The following RGS6 variants were observed in gnomAD, a reference collection of about 807,000 sequenced individuals.
RGS6 encodes regulator of G protein signaling 6.
RGS6 carries 30 observed loss-of-function variants against 78.5 expected under a neutral mutation model. The ratio of observed to expected loss-of-function variants is 0.38; its 90% confidence interval spans 0.29 to 0.52. The LOEUF (loss-of-function observed/expected upper bound fraction) is 0.52, where lower values mean the gene tolerates loss of function less well. Ranked by LOEUF, RGS6 falls within the 20% of genes least tolerant of loss-of-function variation. RGS6 has a pLI of 0.85. For synonymous variants in RGS6, 206 were observed against 206.0 expected, an observed-to-expected ratio of 1.00 and a Z score of 0.00; for missense variants, 495 against 609.7, an observed-to-expected ratio of 0.81 and a Z score of 1.98.
chr14:72,066,087 A>G (rs946959065), intron 2 of RGS6, among the ~76,000 whole-genome samples: 4 of 152,216 alleles, frequency 2.6e-5, no homozygotes, highest in African/African-American at 7.2e-5. Flanking sequence ...TTGGGAAGAT[A>G]TCTTCTTTCT....
intron 3 of RGS6, among the ~76,000 whole-genome samples, chr14:72,451,502 G>A (rs181325119): frequency 1.3e-5 from 2 of 152,042 alleles, no homozygotes; most frequent in Non-Finnish European, 2.9e-5. Context: ...GGGGTGGTTG[G>A]GGGGAGCGGA....
At chr14:72,536,923 G>A (rs763613277) in intron 16 of RGS6, among the ~76,000 whole-genome samples, 5 of 152,118 alleles carry the variant, frequency 3.3e-5, no homozygotes, top group Non-Finnish European at 7.4e-5. Flanking sequence ...GCAGCCCATG[G>A]AGTCATGGAT....
At chr14:72,540,965 G>A in intron 17 of RGS6, 1 of 1,244,926 alleles carries the variant, frequency 8.0e-7, no homozygotes, top group Non-Finnish European at 1.0e-6. Context: ...ACCATGGTTT[G>A]TAGAACAACA....
chr14:72,582,229 A>G, the RGS6 span, among the ~76,000 whole-genome samples: 1 of 152,148 alleles, frequency 6.6e-6, no homozygotes, highest in African/African-American at 2.4e-5. Context: ...CATGAGCTTC[A>G]GTGGAAACAA....
intron 3 of RGS6, among the ~76,000 whole-genome samples, chr14:72,416,499 G>C (rs945060564): frequency 6.6e-6 from 1 of 152,036 alleles, no homozygotes; most frequent in Non-Finnish European, 1.5e-5. Context: ...AGTTAATTAG[G>C]TTAACCTAAA....
chr14:72,029,351 A>G (rs568043087), intron 2 of RGS6, among the ~76,000 whole-genome samples: 1 of 152,234 alleles, frequency 6.6e-6, no homozygotes, highest in African/African-American at 2.4e-5. Context: ...AACTGCAGCC[A>G]TCACTGTATT....
chr14:72,085,002 C>A lies in RGS6; in HGVS notation c.84+120127C>A, dbSNP rs147621686. On this transcript the variant is annotated intron_variant, in intron 2 of 17. Coordinates refer to ENST00000553525, the MANE Select transcript of RGS6 (RefSeq NM_001204424.2). ...ATTTATTTGCAGGGGAAATCTGCTA[C>A]GTAAGAAGACAACCACTTTGGGCAA... is the stretch of plus-strand genomic sequence containing the variant. Among the ~76,000 whole-genome samples, 27 of 152,280 alleles carry A rather than the reference C, an allele frequency of 1.8e-4. No individual in the cohort carries two copies. The East Asian group carries it at 4.0e-3, about 23-fold the overall frequency.
intron 2 of RGS6, among the ~76,000 whole-genome samples, chr14:72,281,207 G>A (rs1433028845): frequency 6.9e-6 from 1 of 144,042 alleles, no homozygotes; most frequent in Non-Finnish European, 1.5e-5. Context: ...GGGGTGCAAT[G>A]GTGCAATCTC....
In RGS6 at chr14:71,966,633, T is replaced by C. The variant is rs79550582; in HGVS notation, c.84+1758T>C. ...ACTTCCATGAGCCACAATTTTTTCA[T>C]CTGTAAAAAGAAAAAAAAATGTGGG... On this transcript the variant is annotated intron_variant, in intron 2 of 17. Coordinates refer to ENST00000553525, the MANE Select transcript of RGS6 (RefSeq NM_001204424.2). Among the ~76,000 whole-genome samples, 452 of 152,188 alleles carry C rather than the reference T, an allele frequency of 3.0e-3. 7 individuals are homozygous for C. Among genetic ancestry groups the C allele is most frequent in the African/African-American group, 0.011 (442 of 41,498 alleles).
At chr14:72,283,214 TGAA>T (rs2061892126) in intron 2 of RGS6, among the ~76,000 whole-genome samples, 1 of 152,256 alleles carries the variant, frequency 6.6e-6, no homozygotes, top group African/African-American at 2.4e-5. Context: ...TTGACTATTG[TGAA>T]GAATGCTGCA....
chr14:72,599,085 C>G, the RGS6 span, among the ~76,000 whole-genome samples: 1 of 152,232 alleles, frequency 6.6e-6, no homozygotes, highest in African/African-American at 2.4e-5. Context: ...CCTAAGCAAG[C>G]CTCCACCTCA....
At chr14:72,574,710 G>A in the RGS6 span, among the ~76,000 whole-genome samples, 1 of 152,206 alleles carries the variant, frequency 6.6e-6, no homozygotes, top group African/African-American at 2.4e-5. Context: ...AATGCACATG[G>A]CAAAGGGAAA....
intron 2 of RGS6, among the ~76,000 whole-genome samples, chr14:72,031,060 A>G (rs547693016): frequency 4.6e-5 from 7 of 152,118 alleles, no homozygotes; most frequent in African/African-American, 1.7e-4. Context: ...GTTGTGGGTA[A>G]GCATAAATAT....
the RGS6 span, among the ~76,000 whole-genome samples, chr14:71,926,796 TTACCTGTGGTCA>T: frequency 6.6e-6 from 1 of 152,124 alleles, no homozygotes; most frequent in East Asian, 1.9e-4. Context: ...GCTTTTTGGG[TTACCTGTGGTCA>T]TATATGACTA....
chr14:72,404,466 A>G (rs1439603880), intron 3 of RGS6, among the ~76,000 whole-genome samples: 1 of 152,146 alleles, frequency 6.6e-6, no homozygotes, highest in Admixed American at 6.6e-5. Flanking sequence ...CCTTTACCCC[A>G]GGGAAACCCC....
Position 72,328,308 on chromosome 14 carries a change from T to G in RGS6, c.85-23787T>G, listed in dbSNP as rs112499065. Among the ~76,000 whole-genome samples the G allele has an allele frequency of 8.5e-3, 1,298 of 152,182 alleles. 19 individuals are homozygous for G. Among genetic ancestry groups the G allele is most frequent in the African/African-American group, 0.03 (1,233 of 41,520 alleles). On this transcript the variant is annotated intron_variant, in intron 2 of 17. Coordinates refer to ENST00000553525, the MANE Select transcript of RGS6 (RefSeq NM_001204424.2). The stretch of plus-strand genomic sequence containing the variant: ...GCTATCTGGGCACCCCATAACCCAG[T>G]CAAGTTGACACATAAAATTAACCAT...
At chr14:72,537,281 C>T (rs899454010) in intron 16 of RGS6, among the ~76,000 whole-genome samples, 1 of 152,220 alleles carries the variant, frequency 6.6e-6, no homozygotes, top group Non-Finnish European at 1.5e-5. Flanking sequence ...CTCCGCTGGG[C>T]TGCCTCTCAG....
chr14:71,996,447 A>G (rs796864090), intron 2 of RGS6, among the ~76,000 whole-genome samples: 4 of 152,062 alleles, frequency 2.6e-5, no homozygotes, highest in Non-Finnish European at 5.9e-5. Flanking sequence ...TCATTGAGAG[A>G]GACCCTATGA....
intron 2 of RGS6, among the ~76,000 whole-genome samples, chr14:72,122,928 C>T (rs946938884): frequency 3.3e-5 from 5 of 152,044 alleles, no homozygotes; most frequent in African/African-American, 9.7e-5. Flanking sequence ...GATAAGATTA[C>T]CTTCTAGATC....
Sources: allele counts gnomAD v4.1 joint callset (sites outside exome capture counted in the v4.1 genomes callset), GRCh38; gene constraint gnomAD v4.1.1; transcripts MANE v1.5; gene names NCBI Gene and HGNC (gene_info 2026-07-23, HGNC 2026-07-21).